The following WDFY1 variants were observed in gnomAD, a reference collection of about 807,000 sequenced individuals.
WDFY1 encodes the protein WD repeat and FYVE domain containing 1.
In WDFY1, 32 loss-of-function variants were observed where a neutral mutation model predicts 56.4. The ratio of observed to expected loss-of-function variants is 0.57; its 90% CI spans 0.43 to 0.76. WDFY1 has a LOEUF of 0.76. WDFY1 is among the 30% of genes least tolerant of loss of function. The pLI is 0.00. For missense variants in WDFY1, 480 were observed against 545.7 expected, an observed-to-expected ratio of 0.88 and a Z score of 1.20; for synonymous variants, 192 against 197.3, an observed-to-expected ratio of 0.97 and a Z score of 0.23.
chr2:223,907,220 A>AC (rs1338538217), intron 3 of WDFY1, among the ~76,000 whole-genome samples: 11 of 151,070 alleles, frequency 7.3e-5, no homozygotes, highest in East Asian at 5.9e-4. Context: ...CAAGTGATCC[A>AC]CCCCCCTTGG....
At chr2:223,884,461 G>A (rs532419420) in intron 9 of WDFY1, among the ~76,000 whole-genome samples, 187 bp downstream of exon 9, 1 of 152,128 alleles carries the variant, frequency 6.6e-6, no homozygotes, top group African/African-American at 2.4e-5. Flanking sequence ...GGAAAAGTGA[G>A]GTAACAGTCT....
chr2:223,910,345 T>G (rs1693673496), intron 3 of WDFY1, among the ~76,000 whole-genome samples: 1 of 151,882 alleles, frequency 6.6e-6, no homozygotes, highest in Non-Finnish European at 1.5e-5. Context: ...CACCTATCTT[T>G]ACAGATATAA....
chr2:223,913,212 C>CAA (rs60874770), intron 2 of WDFY1, among the ~76,000 whole-genome samples: 2 of 59,746 alleles, frequency 3.3e-5, no homozygotes, highest in Non-Finnish European at 4.3e-5. Flanking sequence ...AACTCCATCT[C>CAA]AAAAAAAAAA....
rs755183327 is a variant in WDFY1, at chr2:223,945,139, G to T, written c.137+9C>A. On this transcript the variant is annotated intron_variant, in intron 1 of 11. Coordinates refer to ENST00000233055, the MANE Select transcript of WDFY1 (RefSeq NM_020830.5). Reference sequence around the variant, plus strand: ...AGTTCGGGCCGCCCCGGCTGCGCCCGGGCCCTACCTGTCCTCGCTGGCCGT... The same window carrying T: ...AGTTCGGGCCGCCCCGGCTGCGCCCTGGCCCTACCTGTCCTCGCTGGCCGT... 63 of 1,582,508 alleles carry T rather than the reference G, an allele frequency of 4.0e-5. 1 individual carries two copies. In the South Asian group the frequency reaches 6.5e-4, roughly 16 times the overall value.
At chr2:223,907,873 CTTTT>C (rs5839029) in intron 3 of WDFY1, among the ~76,000 whole-genome samples, 138,175 of 148,790 alleles carry the variant, frequency 0.93, 64,196 homozygotes, top group South Asian at 0.96. Flanking sequence ...TTTTCTCTTT[CTTTT>C]GAGACAGGGT....
At chr2:223,942,321 G>T (rs572295649) in intron 1 of WDFY1, among the ~76,000 whole-genome samples, 1 of 151,400 alleles carries the variant, frequency 6.6e-6, no homozygotes, top group East Asian at 1.9e-4. Context: ...CCAGGTTCAC[G>T]CCATTCTCCT....
intron 1 of WDFY1, among the ~76,000 whole-genome samples, chr2:223,930,559 G>A (rs1694057292): frequency 6.6e-6 from 1 of 152,220 alleles, no homozygotes; most frequent in Admixed American, 6.5e-5. Context: ...TCGAATTCCT[G>A]ACCTCACGTG....
intron 9 of WDFY1, 26 bp downstream of exon 9, chr2:223,884,622 G>C: frequency 6.2e-7 from 1 of 1,605,234 alleles, no homozygotes; most frequent in Non-Finnish European, 8.5e-7. Context: ...AATCAAGCCA[G>C]AGATGACTCG....
At chr2:223,942,605 G>A (rs1190264510) in intron 1 of WDFY1, among the ~76,000 whole-genome samples, 5 of 121,152 alleles carry the variant, frequency 4.1e-5, no homozygotes, top group African/African-American at 1.6e-4. Flanking sequence ...GCGCAATCTC[G>A]GCTCACTGCA....
At chr2:223,895,271 G>A (rs905687205) in intron 7 of WDFY1, among the ~76,000 whole-genome samples, 1 of 152,012 alleles carries the variant, frequency 6.6e-6, no homozygotes, top group Admixed American at 6.5e-5. Context: ...TAAGGAGGAA[G>A]AAAGCCCTGC....
chr2:223,917,557 A>C (rs1693808017), intron 2 of WDFY1, among the ~76,000 whole-genome samples: 1 of 152,138 alleles, frequency 6.6e-6, no homozygotes, highest in African/African-American at 2.4e-5. Flanking sequence ...AGCAATATTT[A>C]ATCAGACATT....
At chr2:223,900,862 G>A (rs1305782968) in intron 5 of WDFY1, 1 of 209,034 alleles carries the variant, frequency 4.8e-6, no homozygotes, top group Non-Finnish European at 9.5e-6. Flanking sequence ...AATGGGCTTG[G>A]GTTTTCCACA....
intron 1 of WDFY1, among the ~76,000 whole-genome samples, chr2:223,942,818 A>T (rs1689333878): frequency 7.0e-6 from 1 of 142,722 alleles, no homozygotes; most frequent in Non-Finnish European, 1.5e-5. Context: ...TACAGGCGTG[A>T]GCCACCGCGC....
intron 6 of WDFY1, 136 bp from the exon 7 acceptor site, chr2:223,895,766 T>C: frequency 3.2e-6 from 4 of 1,252,334 alleles, no homozygotes; most frequent in Middle Eastern, 2.1e-4. Context: ...GGTATCTTCA[T>C]GGTGTACAAC....
Position 223,878,386 on chromosome 2 carries a change from T to G in WDFY1, c.*285A>C. 3.5e-6 allele frequency: 1 copy of G among 287,328 alleles called. No individual in the cohort carries two copies. The highest frequency in any genetic ancestry group is 2.2e-5 in the African/African-American group (1 of 45,722). 17.8% of individuals were successfully genotyped at this position (287,328 alleles called of 1,614,324 possible). ...ATTTTTTGTCCCCGCTAAAACTCAT[T>G]TGCTAGCTCATTCTTTCACTACACA... On this transcript the variant is annotated 3_prime_UTR_variant, in exon 12 of 12. Transcript: ENST00000233055.
At chr2:223,909,261 C>T (rs565834865) in intron 3 of WDFY1, among the ~76,000 whole-genome samples, 8 of 152,120 alleles carry the variant, frequency 5.3e-5, no homozygotes, top group Admixed American at 2.0e-4. Context: ...CAATGATTGG[C>T]GTGACTATGC....
At chr2:223,934,081 CTTT>C (rs201021204) in intron 1 of WDFY1, among the ~76,000 whole-genome samples, 2,895 of 136,054 alleles carry the variant, frequency 0.021, 89 homozygotes, top group Admixed American at 0.088. Context: ...TTTTTCTTTT[CTTT>C]TTTTTTTTTT....
chr2:223,916,105 C>T (rs1027691361), intron 2 of WDFY1, among the ~76,000 whole-genome samples: 1 of 151,998 alleles, frequency 6.6e-6, no homozygotes, highest in African/African-American at 2.4e-5. Context: ...ATCTTTATAC[C>T]AGGGTTCCAA....
intron 8 of WDFY1, among the ~76,000 whole-genome samples, chr2:223,886,245 A>C (rs1264437635): frequency 6.6e-6 from 1 of 152,078 alleles, no homozygotes; most frequent in African/African-American, 2.4e-5. Flanking sequence ...AGGCTGAGGC[A>C]GAAGAATCAC....
Sources: gnomAD v4.1 joint callset for allele counts (sites outside exome capture counted in the v4.1 genomes callset) on GRCh38, gnomAD v4.1.1 for gene constraint, MANE v1.5 for transcripts, NCBI Gene and HGNC (gene_info 2026-07-23, HGNC 2026-07-21) for gene names.